The following GRIP2 variants were observed in gnomAD, a reference collection of about 807,000 sequenced individuals.
GRIP2 encodes glutamate receptor-interacting protein 2.
A neutral mutation model predicts 108.3 loss-of-function variants in GRIP2; 58 were observed. The ratio of observed to expected loss-of-function variants is 0.54; its 90% confidence interval spans 0.43 to 0.67. The LOEUF is 0.67. Ranked by LOEUF, GRIP2 falls within the 30% of genes least tolerant of loss-of-function variation. The pLI is 0.00. For synonymous variants in GRIP2, 586 were observed against 598.2 expected (o/e 0.98, Z 0.30); for missense variants, 1,278 against 1,430.6 (o/e 0.89, Z 1.72).
chr3:14,542,737 A>G (rs1289169868), upstream of GRIP2, among the ~76,000 whole-genome samples: 1 of 152,190 alleles, frequency 6.6e-6, no homozygotes, highest in Non-Finnish European at 1.5e-5. Flanking sequence ...TGTCCTCGAC[A>G]CCCTACTGAG....
Position 14,524,414 on chromosome 3 carries a change from C to T in GRIP2, c.382G>A (p.Glu128Lys), listed in dbSNP as rs1469122615. ...NVGERVVLEV[E>K]YELPPPAPEN... ...CCACCGGGCGGGGGCAGCTCATACT[C>T]CACCTCCAGCACCACGCGCTCGCCC... is the stretch of plus-strand genomic sequence containing the variant. Residue 128 changes from glutamate to lysine, a missense_variant, in exon 4 of 24, where the codon GAG becomes AAG. Transcript: ENST00000621039. 1 of 1,609,966 alleles carries T rather than the reference C, an allele frequency of 6.2e-7. No homozygotes were observed. The highest frequency in any genetic ancestry group is 8.5e-7 in the Non-Finnish European group (1 of 1,178,520).
At chr3:14,518,524 A>G (rs1299863740) in intron 9 of GRIP2, among the ~76,000 whole-genome samples, 1 of 152,036 alleles carries the variant, frequency 6.6e-6, no homozygotes, top group African/African-American at 2.4e-5. Flanking sequence ...TCCTGTTCCA[A>G]GTTCCCAGGG....
At position 14,521,549 on chromosome 3, in the gene GRIP2, C is replaced by G; in HGVS notation, c.712+93G>C. On this transcript the variant is annotated intron_variant, in intron 7 of 23. Coordinates refer to ENST00000621039, the MANE Select transcript of GRIP2 (RefSeq NM_001080423.4). This position sits in a 1 kb window ranked among gnomAD's most constrained non-coding sequence, Gnocchi z 5.1. ...GGCCCAAGGTCATAAGGTCATGCAG[C>G]CTTTGCAGTGGTAAAGATCCATGGC... 1 of 1,361,140 alleles carries G rather than the reference C, an allele frequency of 7.3e-7. No homozygotes were observed. The highest frequency in any genetic ancestry group is 9.9e-7 in the Non-Finnish European group (1 of 1,005,298). The allele number at this position is 1,361,140 out of a possible 1,614,324, so 84.3% of individuals were successfully genotyped here. A position where few individuals can be genotyped will look rare whatever the true frequency, so the allele number is the denominator to read the frequency against.
At chr3:14,510,878 A>T (rs1350278564) in intron 16 of GRIP2, among the ~76,000 whole-genome samples, 1 of 152,184 alleles carries the variant, frequency 6.6e-6, no homozygotes, top group Non-Finnish European at 1.5e-5. Flanking sequence ...CAGCTGCACC[A>T]GCTGCACCCA....
chr3:14,571,124 CCT>C, the GRIP2 span, among the ~76,000 whole-genome samples: 1 of 152,158 alleles, frequency 6.6e-6, no homozygotes, highest in African/African-American at 2.4e-5. Flanking sequence ...AAAATCACCC[CCT>C]GTTGAGAACG....
intron 1 of GRIP2, among the ~76,000 whole-genome samples, chr3:14,547,869 T>C (rs905386791): frequency 6.6e-6 from 1 of 152,190 alleles, no homozygotes; most frequent in African/African-American, 2.4e-5. Flanking sequence ...CTAGAGAATG[T>C]TGTCAAGAAA....
At position 14,507,302 on chromosome 3, in the gene GRIP2, T is replaced by G. The variant is rs1326248825; in HGVS notation, c.2218+259A>C. The stretch of plus-strand genomic sequence containing the variant: ...CTGAGGAATGCATGAGTTATGGCCA[T>G]GAAGCATACACACGTGAGCACCTTA... On this transcript the variant is annotated intron_variant, in intron 18 of 23. Transcript: ENST00000621039. The surrounding 1 kb of genome is among the most constrained non-coding windows in gnomAD (Gnocchi z 4.6). Among the ~76,000 whole-genome samples the G allele has an allele frequency of 6.6e-6, 1 of 152,204 alleles. No individual in the cohort carries two copies. Among genetic ancestry groups the G allele is most frequent in the East Asian group, 1.9e-4 (1 of 5,196 alleles).
the GRIP2 span, chr3:14,574,196 G>A: frequency 1.1e-6 from 1 of 872,574 alleles, no homozygotes; most frequent in Non-Finnish European, 2.0e-6. Context: ...TGAGCCAGTG[G>A]GTGAAGAAGG....
chr3:14,507,080 C>G lies in GRIP2; in HGVS notation c.2219-100G>C. On this transcript the variant is annotated intron_variant, in intron 18 of 23. Coordinates refer to ENST00000621039, the MANE Select transcript of GRIP2 (RefSeq NM_001080423.4). This position sits in a 1 kb window ranked among gnomAD's most constrained non-coding sequence, Gnocchi z 4.6. The stretch of plus-strand genomic sequence containing the variant: ...GGTCTGGAAACTCACAGGCAGTAAG[C>G]CCTTCTGAGCTGACATATGACCATG... 8.9e-7 allele frequency: 1 copy of G among 1,127,042 alleles called. No homozygotes were observed. 69.8% of individuals were successfully genotyped at this position (1,127,042 alleles called of 1,614,324 possible). A position where few individuals can be genotyped will look rare whatever the true frequency, so the allele number is the denominator to read the frequency against.
chr3:14,574,956 C>T, the GRIP2 span, among the ~76,000 whole-genome samples: 1 of 152,160 alleles, frequency 6.6e-6, no homozygotes, highest in Non-Finnish European at 1.5e-5. Context: ...AACAAACTTC[C>T]CTGTGCAGCG....
At chr3:14,595,104 C>T in the GRIP2 span, among the ~76,000 whole-genome samples, 1 of 151,862 alleles carries the variant, frequency 6.6e-6, no homozygotes, top group Non-Finnish European at 1.5e-5. Flanking sequence ...CACTATGTTG[C>T]CCAGGCTGGG....
At chr3:14,601,840 G>A in the GRIP2 span, among the ~76,000 whole-genome samples, 1 of 152,214 alleles carries the variant, frequency 6.6e-6, no homozygotes, top group Admixed American at 6.5e-5. Context: ...AACCTGGGGG[G>A]CAGACTGGAA....
At position 14,512,687 on chromosome 3, in the gene GRIP2, C is replaced by T. The variant is rs1694131457; in HGVS notation, c.1720+90G>A. Reference sequence around the variant, plus strand: ...CCTCGGGCCCCGCAGGGTGTCACGCCATGGAAATGCTGGTCTGAGCTTGGC... The same window carrying T: ...CCTCGGGCCCCGCAGGGTGTCACGCTATGGAAATGCTGGTCTGAGCTTGGC... On this transcript the variant is annotated intron_variant, in intron 14 of 23. Transcript: ENST00000621039. This position sits in a 1 kb window ranked among gnomAD's most constrained non-coding sequence, Gnocchi z 5.1. 1.5e-6 allele frequency: 2 copies of T among 1,292,006 alleles called. No homozygotes were observed. The highest frequency in any genetic ancestry group is 1.5e-5 in the African/African-American group (1 of 68,826). 80.0% of individuals were successfully genotyped at this position (1,292,006 alleles called of 1,614,324 possible). A position where few individuals can be genotyped will look rare whatever the true frequency, so the allele number is the denominator to read the frequency against.
Position 14,506,812 on chromosome 3 carries a change from A to T in GRIP2, c.2387T>A (p.Phe796Tyr), listed in dbSNP as rs774773868. 1 of 1,599,590 alleles carries T rather than the reference A, an allele frequency of 6.3e-7. No individual in the cohort carries two copies. The highest frequency in any genetic ancestry group is 1.1e-5 in the South Asian group (1 of 88,640). ...SWDSSATEGGFGGPGSYTPQA... is the reference protein window; with the variant it reads ...SWDSSATEGGYGGPGSYTPQA... The stretch of plus-strand genomic sequence containing the variant: ...CCCCAAGGTATTACCTGGGCCCCCA[A>T]AGCCACCCTCGGTGGCCGAGCTGTC... Residue 796 changes from phenylalanine to tyrosine, a missense_variant, in exon 19 of 24, where the codon TTT becomes TAT. Phe to Tyr is a conservative substitution (Grantham distance 22, BLOSUM62 3). Coordinates refer to ENST00000621039, the MANE Select transcript of GRIP2 (RefSeq NM_001080423.4).
chr3:14,504,531 C>T (rs1693864294), intron 20 of GRIP2, among the ~76,000 whole-genome samples: 1 of 152,062 alleles, frequency 6.6e-6, no homozygotes, highest in East Asian at 1.9e-4. Context: ...AGGATGGTCT[C>T]GATCTCCCGA....
the GRIP2 span, among the ~76,000 whole-genome samples, chr3:14,589,379 G>A: frequency 3.9e-5 from 6 of 152,190 alleles, no homozygotes; most frequent in East Asian, 1.2e-3. Flanking sequence ...GGACAGTCTA[G>A]AAATGGATGA....
the GRIP2 span, among the ~76,000 whole-genome samples, chr3:14,568,160 G>A: frequency 1.3e-5 from 2 of 152,208 alleles, no homozygotes; most frequent in Non-Finnish European, 2.9e-5. Flanking sequence ...GGAGCCATGG[G>A]AGGGTGTTGA....
intron 21 of GRIP2, among the ~76,000 whole-genome samples, chr3:14,498,244 T>G (rs1559330274): frequency 6.6e-6 from 1 of 152,098 alleles, no homozygotes; most frequent in African/African-American, 2.4e-5. Flanking sequence ...GGAGGATTGT[T>G]TGAGTCTAGG....
At chr3:14,570,207 C>CCTTTGT in the GRIP2 span, among the ~76,000 whole-genome samples, 1 of 152,184 alleles carries the variant, frequency 6.6e-6, no homozygotes, top group Non-Finnish European at 1.5e-5. Flanking sequence ...GATGAAATCC[C>CCTTTGT]CTTTGTCATC....
Sources: allele counts gnomAD v4.1 joint callset (sites outside exome capture counted in the v4.1 genomes callset), GRCh38; gene constraint gnomAD v4.1.1; non-coding constraint Gnocchi (gnomAD v3.1); transcripts MANE v1.5; gene names NCBI Gene and HGNC (gene_info 2026-07-23, HGNC 2026-07-21).